The following CTNND2 variants were observed in gnomAD, a reference collection of about 807,000 sequenced individuals.
CTNND2 encodes catenin delta-2.
In CTNND2, 22 loss-of-function variants were observed where a neutral mutation model predicts 144.4. The observed-to-expected ratio is 0.15, with a 90% CI of 0.11 to 0.22. CTNND2 has a LOEUF of 0.22. Among genes scored for constraint, CTNND2 ranks in the 10% least tolerant of loss-of-function variants. The pLI, the probability that CTNND2 is intolerant of heterozygous loss-of-function variation, is 1.00. For synonymous variants in CTNND2, 751 were observed against 695.6 expected, an observed-to-expected ratio of 1.08 and a Z score of -1.25; for missense variants, 1,353 against 1,618.8, an observed-to-expected ratio of 0.84 and a Z score of 2.82.
At chr5:11,801,420 G>A (rs1054811421) in intron 1 of CTNND2, among the ~76,000 whole-genome samples, 5 of 152,154 alleles carry the variant, frequency 3.3e-5, no homozygotes, top group Non-Finnish European at 1.5e-5. Flanking sequence ...AACAAAACCT[G>A]GGCTTTTCCT....
chr5:11,779,945 C>T (rs1790454226), intron 1 of CTNND2, among the ~76,000 whole-genome samples: 2 of 152,308 alleles, frequency 1.3e-5, no homozygotes, highest in East Asian at 1.9e-4. Context: ...CAACTGCCCT[C>T]TCTCTTCTCT....
chr5:11,853,717 G>A (rs1795122146), intron 1 of CTNND2, among the ~76,000 whole-genome samples: 1 of 152,104 alleles, frequency 6.6e-6, no homozygotes. Flanking sequence ...CAGTTTCTGA[G>A]GCCAAAAATC....
chr5:11,453,746 C>T (rs1765486887), intron 3 of CTNND2, among the ~76,000 whole-genome samples: 1 of 152,088 alleles, frequency 6.6e-6, no homozygotes, highest in Non-Finnish European at 1.5e-5. Context: ...AGGCATTTTG[C>T]TTTGCATCAG....
At chr5:11,215,973 C>T (rs2055142) in intron 10 of CTNND2, among the ~76,000 whole-genome samples, 10,225 of 152,244 alleles carry the variant, frequency 0.067, 444 homozygotes, top group Admixed American at 0.11. Flanking sequence ...ATATAATCGA[C>T]ACATTTGCTT....
intron 12 of CTNND2, among the ~76,000 whole-genome samples, chr5:11,133,317 A>G (rs1278371226): frequency 6.6e-6 from 1 of 152,080 alleles, no homozygotes; most frequent in Admixed American, 6.5e-5. Context: ...TAGTAATTTA[A>G]TCTTAATTAC....
At chr5:11,618,464 G>A (rs1044371337) in intron 2 of CTNND2, among the ~76,000 whole-genome samples, 1 of 152,158 alleles carries the variant, frequency 6.6e-6, no homozygotes, top group Non-Finnish European at 1.5e-5. Context: ...ATCTTGCTTA[G>A]AACAAGCTGC....
chr5:11,660,712 C>G (rs752591758), intron 2 of CTNND2, among the ~76,000 whole-genome samples: 5 of 152,088 alleles, frequency 3.3e-5, no homozygotes, highest in African/African-American at 9.7e-5. Flanking sequence ...AAAAAAGTCA[C>G]GTATTTAAAA....
chr5:11,844,958 G>T (rs1794661399), intron 1 of CTNND2, among the ~76,000 whole-genome samples: 1 of 152,076 alleles, frequency 6.6e-6, no homozygotes, highest in Admixed American at 6.5e-5. Flanking sequence ...GGGCAGGGGG[G>T]CAGGGAGCCA....
chr5:11,293,692 T>G (rs1240560177), intron 9 of CTNND2, among the ~76,000 whole-genome samples: 1 of 151,044 alleles, frequency 6.6e-6, no homozygotes, highest in Non-Finnish European at 1.5e-5. Context: ...GACATTCCTT[T>G]GCTATTTCAA....
At chr5:11,879,379 A>ATATATATG (rs1735859394) in intron 1 of CTNND2, among the ~76,000 whole-genome samples, 1 of 144,220 alleles carries the variant, frequency 6.9e-6, no homozygotes, top group Non-Finnish European at 1.5e-5. Context: ...ACACACAAAC[A>ATATATATG]TATACATACA....
At chr5:11,426,672 T>G (rs1240367200) in intron 3 of CTNND2, among the ~76,000 whole-genome samples, 1 of 152,154 alleles carries the variant, frequency 6.6e-6, no homozygotes, top group Non-Finnish European at 1.5e-5. Context: ...TAAGCAGGCG[T>G]GCTGGCAGCT....
intron 9 of CTNND2, among the ~76,000 whole-genome samples, chr5:11,256,331 C>A (rs888225909): frequency 5.3e-5 from 8 of 152,260 alleles, no homozygotes; most frequent in Middle Eastern, 3.4e-3. Context: ...TGGTTTTTGA[C>A]CCCATGAAAA....
At chr5:11,883,244 C>T (rs1251640657) in intron 1 of CTNND2, among the ~76,000 whole-genome samples, 1 of 152,128 alleles carries the variant, frequency 6.6e-6, no homozygotes, top group East Asian at 1.9e-4. Context: ...AGGTTAGTTA[C>T]ATAGGTATAC....
At chr5:11,480,543 G>A (rs1409772839) in intron 3 of CTNND2, among the ~76,000 whole-genome samples, 2 of 151,994 alleles carry the variant, frequency 1.3e-5, no homozygotes, top group Non-Finnish European at 2.9e-5. Flanking sequence ...TTTCTAACGC[G>A]ATTCAGTAAT....
chr5:11,396,300 C>T (rs1252707827), intron 6 of CTNND2, among the ~76,000 whole-genome samples: 1 of 151,972 alleles, frequency 6.6e-6, no homozygotes, highest in Non-Finnish European at 1.5e-5. Context: ...TGGTGGGTAC[C>T]TCAAAATTAT....
At chr5:11,175,644 T>TA (rs375275112) in intron 11 of CTNND2, among the ~76,000 whole-genome samples, 12,126 of 151,778 alleles carry the variant, frequency 0.08, 705 homozygotes, top group African/African-American at 0.17. Context: ...TTTATTTATT[T>TA]TTTTTGCTGA....
In CTNND2 at chr5:11,049,875, C is replaced by T. The variant is rs190939981; in HGVS notation, c.2789-26896G>A. On this transcript the variant is annotated intron_variant, in intron 16 of 21. Coordinates refer to ENST00000304623, the MANE Select transcript of CTNND2 (RefSeq NM_001332.4). ...CTAACTTTGTAAGCCACAAGCAATT[C>T]GCTGTCTTAGTGGAGGGAAATACTC... Among the ~76,000 whole-genome samples the T allele has an allele frequency of 1.1e-3, 175 of 152,260 alleles. 3 individuals are homozygous for T. Among genetic ancestry groups the T allele is most frequent in the Non-Finnish European group, 4.1e-4 (28 of 68,026 alleles).
At chr5:11,108,990 C>T (rs1752682716) in intron 14 of CTNND2, among the ~76,000 whole-genome samples, 1 of 152,222 alleles carries the variant, frequency 6.6e-6, no homozygotes, top group Non-Finnish European at 1.5e-5. Context: ...CTCCACCAAC[C>T]ATGCAGTGAC....
chr5:11,359,396 C>T (rs982598631), intron 8 of CTNND2, among the ~76,000 whole-genome samples: 3 of 152,162 alleles, frequency 2.0e-5, no homozygotes, highest in Admixed American at 2.0e-4. Context: ...GGAAAGGACA[C>T]TGGTGGCCTT....
Sources: allele counts gnomAD v4.1 joint callset (sites outside exome capture counted in the v4.1 genomes callset), GRCh38; gene constraint gnomAD v4.1.1; transcripts MANE v1.5; gene names NCBI Gene and HGNC (gene_info 2026-07-23, HGNC 2026-07-21).